The following NCOA1 variants were observed in gnomAD, a reference collection of about 807,000 sequenced individuals.
NCOA1 encodes the protein Hin-2 protein.
NCOA1 carries 35 observed loss-of-function variants against 150.9 expected under a neutral mutation model. The observed-to-expected ratio is 0.23, with a 90% confidence interval of 0.18 to 0.31. NCOA1 has a LOEUF of 0.31. NCOA1 is among the 10% of genes least tolerant of loss of function. The pLI, the probability that NCOA1 is intolerant of heterozygous loss-of-function variation, is 1.00. For synonymous variants in NCOA1, 590 were observed against 630.0 expected, an observed-to-expected ratio of 0.94 and a Z score of 0.95; for missense variants, 1,491 against 1,749.3, an observed-to-expected ratio of 0.85 and a Z score of 2.63.
At chr2:24,619,682 G>A (rs1279912971) in intron 3 of NCOA1, among the ~76,000 whole-genome samples, 1 of 152,056 alleles carries the variant, frequency 6.6e-6, no homozygotes, top group Non-Finnish European at 1.5e-5. Context: ...ATTTGGTCGG[G>A]GCAGGGGGAC....
chr2:24,564,511 G>A (rs533653795), intron 2 of NCOA1, 81 bp downstream of exon 2: 5 of 152,320 alleles, frequency 3.3e-5, no homozygotes, highest in Admixed American at 3.3e-4. Flanking sequence ...TAGGTTTGGT[G>A]AGTTTAAAAG....
At chr2:24,523,552 G>T (rs1410189541) in intron 1 of NCOA1, among the ~76,000 whole-genome samples, 2 of 133,738 alleles carry the variant, frequency 1.5e-5, no homozygotes, top group African/African-American at 5.5e-5. Context: ...CTTACAGTGA[G>T]CTGAGATTGC....
At chr2:24,686,750 C>G (rs1672422281) in intron 8 of NCOA1, among the ~76,000 whole-genome samples, 1 of 151,920 alleles carries the variant, frequency 6.6e-6, no homozygotes, top group African/African-American at 2.4e-5. Flanking sequence ...TCGAATTAAT[C>G]TTGTGAAATC....
Position 24,758,059 on chromosome 2 carries a change from G to C in NCOA1, c.3968G>C (p.Gly1323Ala), listed in dbSNP as rs1664589615. ...ATGAGCATCACCGTTTCCATGGCAG[G>C]TGGAAATACGAATGTTCAGAACATG... ...NNMSITVSMA[G>A]GNTNVQNMNP... is the part of the protein sequence containing the mutation. The change falls in exon 21 of 23, where the codon GGT becomes GCT. Residue 1323 changes from glycine (G) to alanine (A), a missense_variant. Transcript: ENST00000348332. 6.2e-7 allele frequency: 1 copy of C among 1,614,128 alleles called. No homozygotes were observed. The highest frequency in any genetic ancestry group is 8.5e-7 in the Non-Finnish European group (1 of 1,180,014).
At chr2:24,503,921 G>C (rs1394275550) in intron 1 of NCOA1, among the ~76,000 whole-genome samples, 3 of 151,980 alleles carry the variant, frequency 2.0e-5, no homozygotes, top group African/African-American at 7.2e-5. Flanking sequence ...TTTTAGTAGA[G>C]ACGGGGTTTC....
chr2:24,564,899 G>C (rs7566760), intron 2 of NCOA1, among the ~76,000 whole-genome samples: 114,766 of 152,120 alleles, frequency 0.75, 45,129 homozygotes, highest in Non-Finnish European at 0.85. Context: ...CTGAGAAAAG[G>C]AACTGAATGC....
At chr2:24,650,670 C>CT (rs1250368367) in intron 4 of NCOA1, among the ~76,000 whole-genome samples, 1 of 152,052 alleles carries the variant, frequency 6.6e-6, no homozygotes, top group African/African-American at 2.4e-5. Flanking sequence ...AAAGATATTT[C>CT]TTTAAGGATG....
chr2:24,702,798 T>C (rs1443322123), intron 11 of NCOA1, among the ~76,000 whole-genome samples: 1 of 152,118 alleles, frequency 6.6e-6, no homozygotes, highest in Non-Finnish European at 1.5e-5. Flanking sequence ...CCAGGACCTA[T>C]AAACAAAATG....
At chr2:24,768,083 A>G in intron 22 of NCOA1, 138 bp from the exon 23 acceptor site, 1 of 1,613,858 alleles carries the variant, frequency 6.2e-7, no homozygotes, top group Non-Finnish European at 8.5e-7. Context: ...TTGTAGGACA[A>G]GAAGACAGAA....
intron 1 of NCOA1, among the ~76,000 whole-genome samples, chr2:24,505,503 A>G (rs1663655962): frequency 6.6e-6 from 1 of 152,240 alleles, no homozygotes; most frequent in South Asian, 2.1e-4. Flanking sequence ...AAAATTAAAT[A>G]ATGAACCATA....
At chr2:24,763,127 C>T (rs1264726424) in intron 22 of NCOA1, among the ~76,000 whole-genome samples, 4 of 152,094 alleles carry the variant, frequency 2.6e-5, no homozygotes, top group Non-Finnish European at 5.9e-5. Context: ...ATCAAAATAC[C>T]TCAGAAGATC....
chr2:24,689,955 T>C (rs1252610265), intron 8 of NCOA1, among the ~76,000 whole-genome samples: 1 of 152,218 alleles, frequency 6.6e-6, no homozygotes, highest in Non-Finnish European at 1.5e-5. Flanking sequence ...TATTCATAGC[T>C]CTTCATTTTC....
intron 3 of NCOA1, among the ~76,000 whole-genome samples, chr2:24,592,040 T>C (rs898552457): frequency 2.6e-5 from 4 of 152,212 alleles, no homozygotes; most frequent in African/African-American, 9.6e-5. Context: ...TTCTTTATTG[T>C]GATATATCCA....
chr2:24,585,339 TTC>T (rs1184572253), intron 3 of NCOA1, among the ~76,000 whole-genome samples: 1 of 152,206 alleles, frequency 6.6e-6, no homozygotes, highest in Non-Finnish European at 1.5e-5. Context: ...CATTTACCCT[TTC>T]TGTTTGCCTT....
At chr2:24,547,925 C>G (rs565739986) in intron 1 of NCOA1, among the ~76,000 whole-genome samples, 1 of 132,308 alleles carries the variant, frequency 7.6e-6, no homozygotes, top group African/African-American at 2.8e-5. Flanking sequence ...GGAGACGGAG[C>G]TTGCAGTGAG....
chr2:24,736,962 G>A (rs1199795943), intron 17 of NCOA1, among the ~76,000 whole-genome samples: 2 of 152,180 alleles, frequency 1.3e-5, no homozygotes, highest in African/African-American at 4.8e-5. Context: ...CATTCCGGCA[G>A]ACAAAGTGAC....
chr2:24,741,672 T>C, intron 18 of NCOA1, 112 bp from the exon 19 acceptor site: 1 of 1,181,246 alleles, frequency 8.5e-7, no homozygotes, highest in Non-Finnish European at 1.2e-6. Context: ...TGTACAGTGA[T>C]AATTGCTATG....
At chr2:24,536,243 G>A (rs918843272) in intron 1 of NCOA1, among the ~76,000 whole-genome samples, 3 of 151,940 alleles carry the variant, frequency 2.0e-5, no homozygotes, top group Non-Finnish European at 4.4e-5. Flanking sequence ...TGATTGAATC[G>A]GTTATTGAAG....
At chr2:24,532,755 A>C (rs1433389444) in intron 1 of NCOA1, among the ~76,000 whole-genome samples, 2 of 152,160 alleles carry the variant, frequency 1.3e-5, no homozygotes, top group Non-Finnish European at 2.9e-5. Flanking sequence ...CAAAGATCAG[A>C]TGGTTGTAGA....
Sources: allele counts gnomAD v4.1 joint callset (sites outside exome capture counted in the v4.1 genomes callset), GRCh38; gene constraint gnomAD v4.1.1; transcripts MANE v1.5; gene names NCBI Gene and HGNC (gene_info 2026-07-23, HGNC 2026-07-21).